The following DOK7 variants were observed in gnomAD, a reference collection of about 807,000 sequenced individuals.
The protein encoded by DOK7 is docking protein 7, also known as protein Dok-7.
A neutral mutation model predicts 30.7 loss-of-function variants in DOK7; 32 were observed. The ratio of observed to expected loss-of-function variants is 1.04; its 90% CI spans 0.79 to 1.40. DOK7 has a LOEUF of 1.40. Ranked by LOEUF, DOK7 falls within the 40% of genes most tolerant of loss-of-function variation. DOK7 has a pLI of 0.00. For synonymous variants in DOK7, 447 were observed against 324.1 expected, an observed-to-expected ratio of 1.38 and a Z score of -4.07; for missense variants, 1,007 against 699.2, an observed-to-expected ratio of 1.44 and a Z score of -4.97.
chr4:3,498,437 G>A (rs540271201), downstream of DOK7, among the ~76,000 whole-genome samples: 75 of 152,130 alleles, frequency 4.9e-4, 1 homozygote, highest in Admixed American at 3.9e-4. Context: ...ACCCCTCACC[G>A]CCCAACCTTG....
At chr4:3,499,895 GGAGA>G (rs541602506) in intron 6 of DOK7, among the ~76,000 whole-genome samples, 1 of 152,022 alleles carries the variant, frequency 6.6e-6, no homozygotes, top group Non-Finnish European at 1.5e-5. Flanking sequence ...GGCGGTTGGT[GGAGA>G]GAGTTGGGAA....
intron 2 of DOK7, 127 bp downstream of exon 2, chr4:3,463,678 C>G (rs1190795369): frequency 4.0e-6 from 5 of 1,245,018 alleles, no homozygotes; most frequent in South Asian, 2.7e-5. Flanking sequence ...CCGAGAGCCC[C>G]GTGCGGACCC....
rs1420576666 is a variant in DOK7 at position 3,493,395 on chromosome 4, C to T, written c.1409C>T (p.Ala470Val). The change falls in exon 7 of 7, where the codon GCC becomes GTC. Residue 470 changes from alanine to valine, a missense_variant. Transcript: ENST00000340083. ...QGSEATLPGP[A>V]PGEPWEAGGP... ...AGCGAGGCCACACTGCCTGGCCCTG[C>T]CCCTGGCGAGCCCTGGGAAGCAGGC... The T allele has an allele frequency of 1.9e-6, 3 of 1,594,360 alleles. No homozygotes were observed. The highest frequency in any genetic ancestry group is 4.5e-5 in the East Asian group (2 of 44,078).
chr4:3,463,393 G>T lies in DOK7; in HGVS notation c.18G>T (p.Leu6=). The T allele has an allele frequency of 6.7e-7, 1 of 1,495,964 alleles. No individual in the cohort carries two copies. Among genetic ancestry groups the T allele is most frequent in the Non-Finnish European group, 8.8e-7 (1 of 1,136,044 alleles). 92.7% of individuals were successfully genotyped at this position (1,495,964 alleles called of 1,614,324 possible). A position where few individuals can be genotyped will look rare whatever the true frequency, so the allele number is the denominator to read the frequency against. The part of the protein sequence containing the change: MTEAA[L]VEGQVKLRDG... ...GACAGAAGATGACCGAGGCGGCGCT[G>T]GTGGAGGGCCAGGTCAAGCTGCGGG... The change falls in exon 1 of 7, where the codon CTG becomes CTT. Residue 6 remains leucine (L), a synonymous_variant. Coordinates refer to ENST00000340083, the MANE Select transcript of DOK7 (RefSeq NM_173660.5).
chr4:3,463,641 G>A lies in DOK7; in HGVS notation c.100+90G>A, dbSNP rs1382579495. On this transcript the variant is annotated intron_variant, in intron 2 of 6. Transcript: ENST00000340083. ...CAGTAATGCCAGCTTGCCCAAAATC[G>A]CCGCCGCTGTCACCCCGCCGGGAAA... The A allele has an allele frequency of 8.2e-6, 12 of 1,461,470 alleles. No individual in the cohort carries two copies. The East Asian group carries it at 2.5e-4, about 30-fold the overall frequency. The allele number at this position is 1,461,470 out of a possible 1,614,324, so 90.5% of individuals were successfully genotyped here.
chr4:3,493,737 A>T lies in DOK7; in HGVS notation c.*236A>T. On this transcript the variant is annotated 3_prime_UTR_variant, in exon 7 of 7. Transcript: ENST00000340083. ...CTGGGTCCGGCAGGTCGGGGTCACC[A>T]GAGCCCCAATGCTCAGCTGCTTCAC... 7.0e-7 allele frequency: 1 copy of T among 1,422,346 alleles called. No individual in the cohort carries two copies. Among genetic ancestry groups the T allele is most frequent in the Non-Finnish European group, 9.2e-7 (1 of 1,092,576 alleles). The allele number at this position is 1,422,346 out of a possible 1,614,324, so 88.1% of individuals were successfully genotyped here.
chr4:3,490,577 C>A lies in DOK7; in HGVS notation c.772+781C>A, dbSNP rs1472389205. Among the ~76,000 whole-genome samples the A allele has an allele frequency of 2.6e-5, 3 of 116,850 alleles. 1 individual carries two copies. Among genetic ancestry groups the A allele is most frequent in the Non-Finnish European group, 5.0e-5 (3 of 59,756 alleles). 76.7% of individuals were successfully genotyped at this position (116,850 alleles called of 152,430 possible). A position where few individuals can be genotyped will look rare whatever the true frequency, so the allele number is the denominator to read the frequency against. On this transcript the variant is annotated intron_variant, in intron 6 of 6. Transcript: ENST00000340083. ...CCCTGCTCATTCGTTTTTTCCTTCTCTCTCTGCTCATTCCTTCATTTCTTC... is the reference window on the plus strand; with the variant it reads ...CCCTGCTCATTCGTTTTTTCCTTCTATCTCTGCTCATTCCTTCATTTCTTC...
chr4:3,482,214 AGCGGCTG>A (rs1727480910), intron 4 of DOK7, among the ~76,000 whole-genome samples: 2 of 152,050 alleles, frequency 1.3e-5, no homozygotes, highest in African/African-American at 4.8e-5. Context: ...TGCCACACCT[AGCGGCTG>A]GCGGCTGTTC....
intron 6 of DOK7, among the ~76,000 whole-genome samples, chr4:3,492,210 CAGGG>C (rs960121071): frequency 1.3e-5 from 2 of 152,066 alleles, no homozygotes; most frequent in Non-Finnish European, 2.9e-5. Context: ...TCATCCCCCG[CAGGG>C]AGGGAGACTG....
At chr4:3,485,224 G>A (rs553438390) in intron 4 of DOK7, 292 of 293,130 alleles carry the variant, frequency 1.0e-3, no homozygotes, top group African/African-American at 5.4e-3. Flanking sequence ...CCCATGCCCT[G>A]TCGGCTGCAG....
chr4:3,493,899 C>A lies in DOK7; in HGVS notation c.*398C>A, dbSNP rs369931493. On this transcript the variant is annotated 3_prime_UTR_variant, in exon 7 of 7. Transcript: ENST00000340083. Reference sequence around the variant, plus strand: ...GCCTCACGCCCCCTTCGGGGGTGGCCGGTTCTCCCCATCACCTCTCTGGGG... The same window carrying A: ...GCCTCACGCCCCCTTCGGGGGTGGCAGGTTCTCCCCATCACCTCTCTGGGG... 1 of 1,063,286 alleles carries A rather than the reference C, an allele frequency of 9.4e-7. No homozygotes were observed. The highest frequency in any genetic ancestry group is 1.1e-6 in the Non-Finnish European group (1 of 880,952). The allele number at this position is 1,063,286 out of a possible 1,614,324, so 65.9% of individuals were successfully genotyped here. A position where few individuals can be genotyped will look rare whatever the true frequency, so the allele number is the denominator to read the frequency against.
At chr4:3,496,878 C>T (rs1189862362), downstream of DOK7, 12 of 1,530,368 alleles carry the variant, frequency 7.8e-6, no homozygotes, top group Non-Finnish European at 1.0e-5. Flanking sequence ...CACCTGGAGC[C>T]AGTCCCCCAG....
In DOK7 at chr4:3,483,393, C is replaced by T. The variant is rs371332762; in HGVS notation, c.533-2146C>T. ...GAGGCCCAGCGAGAGCCTAGTCGTG[C>T]GGTGTCCTGGGAGGCCATGGCCCAA... On this transcript the variant is annotated intron_variant, in intron 4 of 6. Coordinates refer to ENST00000340083, the MANE Select transcript of DOK7 (RefSeq NM_173660.5). Among the ~76,000 whole-genome samples the T allele has an allele frequency of 3.4e-4, 52 of 152,168 alleles. No homozygotes were observed. In the East Asian group the frequency reaches 7.2e-3, roughly 21 times the overall value.
intron 2 of DOK7, among the ~76,000 whole-genome samples, chr4:3,465,693 A>G (rs1447022040): frequency 6.6e-6 from 1 of 152,242 alleles, no homozygotes; most frequent in Non-Finnish European, 1.5e-5. Flanking sequence ...AGCGCCTGGC[A>G]TGGCCAGTGG....
chr4:3,472,597 G>A lies in DOK7; in HGVS notation c.101-809G>A, dbSNP rs959446269. 1.7e-3 allele frequency among the ~76,000 whole-genome samples: 255 copies of A among 152,328 alleles called. 4 individuals carry two copies. The highest frequency in any genetic ancestry group is 5.4e-4 in the Non-Finnish European group (37 of 68,014). On this transcript the variant is annotated intron_variant, in intron 2 of 6. Coordinates refer to ENST00000340083, the MANE Select transcript of DOK7 (RefSeq NM_173660.5). ...CCCCGCCATTCACAGGAGTGTCCCC[G>A]GGCCAGGTGGTTTGCCCAAGGCCAC...
In DOK7 at chr4:3,489,702, T is replaced by G. The variant is rs1184880137; in HGVS notation, c.678T>G (p.Thr226=). ...ACCCAAGTCCCCCGGGACCCTCGAC[T>G]GTGGAGGAGCGTGTGGCCCAGGAAG... The part of the protein sequence containing the change: ...LPDPSPPGPS[T]VEERVAQEAL... Residue 226 remains threonine (T), a synonymous_variant, in exon 6 of 7, where the codon ACT becomes ACG. Transcript: ENST00000340083. 6.4e-7 allele frequency: 1 copy of G among 1,564,524 alleles called. No homozygotes were observed.
chr4:3,495,820 C>A (rs1392286528), downstream of DOK7, among the ~76,000 whole-genome samples: 1 of 152,184 alleles, frequency 6.6e-6, no homozygotes, highest in Admixed American at 6.5e-5. Context: ...GGGAGGGGCC[C>A]TCTCAGGAGC....
chr4:3,485,751 G>GT, intron 5 of DOK7, 93 bp downstream of exon 5: 1 of 1,357,784 alleles, frequency 7.4e-7, no homozygotes, highest in South Asian at 1.9e-5. Context: ...GTCAGCCCCA[G>GT]TTAGATGGCC....
At chr4:3,466,698 T>G (rs1234014627) in intron 2 of DOK7, among the ~76,000 whole-genome samples, 1 of 152,172 alleles carries the variant, frequency 6.6e-6, no homozygotes, top group Non-Finnish European at 1.5e-5. Context: ...AGCAGTGACC[T>G]GGGACGGCTC....
Sources: gnomAD v4.1 joint callset for allele counts (sites outside exome capture counted in the v4.1 genomes callset) on GRCh38, gnomAD v4.1.1 for gene constraint, MANE v1.5 for transcripts, NCBI Gene and HGNC (gene_info 2026-07-23, HGNC 2026-07-21) for gene names.